SMARCC1: variants seen among roughly 807,000 people sequenced by gnomAD.
SMARCC1 encodes the protein SWI/SNF complex subunit SMARCC1.
In SMARCC1, 43 loss-of-function variants were observed where a neutral mutation model predicts 147.4. That is an observed-to-expected ratio of 0.29 (90% CI 0.23 to 0.38). The LOEUF is 0.38. Among genes scored for constraint, SMARCC1 ranks in the 10% least tolerant of loss-of-function variants. The probability of loss-of-function intolerance (pLI) is 1.00; values close to 1 mark genes in which losing one functional copy is unlikely to be tolerated. For synonymous variants in SMARCC1, 495 were observed against 484.4 expected (o/e 1.02, Z -0.29); for missense variants, 1,119 against 1,381.1 (o/e 0.81, Z 3.01).
chr3:47,762,910 C>CA (rs2034791040), intron 2 of SMARCC1, among the ~76,000 whole-genome samples: 1 of 151,854 alleles, frequency 6.6e-6, no homozygotes, highest in African/African-American at 2.4e-5. Context: ...ACTAAAAATA[C>CA]AAAAAATTAG....
Position 47,588,188 on chromosome 3 carries a change from A to G in SMARCC1, c.*21T>C, listed in dbSNP as rs1266876462. On this transcript the variant is annotated 3_prime_UTR_variant, in exon 28 of 28. Coordinates refer to ENST00000254480, the MANE Select transcript of SMARCC1 (RefSeq NM_003074.4). Reference sequence around the variant, plus strand: ...CTCCAGCTCATGGTGGTGGGCGTGGAGGTTCCCTGCATCTTCCAGGCTAAG... The same window carrying G: ...CTCCAGCTCATGGTGGTGGGCGTGGGGGTTCCCTGCATCTTCCAGGCTAAG... The G allele has an allele frequency of 6.3e-7, 1 of 1,585,736 alleles. No individual in the cohort carries two copies. The highest frequency in any genetic ancestry group is 8.7e-7 in the Non-Finnish European group (1 of 1,155,974).
At chr3:47,730,620 G>T (rs982465684) in intron 5 of SMARCC1, among the ~76,000 whole-genome samples, 2 of 152,112 alleles carry the variant, frequency 1.3e-5, no homozygotes, top group African/African-American at 4.8e-5. Flanking sequence ...AATCCCAGCA[G>T]TTTGGGAGGT....
intron 2 of SMARCC1, among the ~76,000 whole-genome samples, chr3:47,760,714 G>A (rs149532018): frequency 7.5e-4 from 114 of 152,276 alleles, no homozygotes; most frequent in Non-Finnish European, 1.2e-3. Flanking sequence ...TCAATCAGCT[G>A]TGCGTGGTAG....
chr3:47,750,958 C>A (rs917164398), intron 2 of SMARCC1, among the ~76,000 whole-genome samples: 3 of 150,966 alleles, frequency 2.0e-5, no homozygotes, highest in Non-Finnish European at 4.4e-5. Context: ...AGTGCAGTGG[C>A]GCAATCTCAG....
intron 18 of SMARCC1, among the ~76,000 whole-genome samples, chr3:47,673,222 A>AAAAAAT (rs2033524095): frequency 6.6e-6 from 1 of 151,824 alleles, no homozygotes; most frequent in South Asian, 2.1e-4. Context: ...TCTCTCTTTA[A>AAAAAAT]AAAAATAAAA....
intron 11 of SMARCC1, among the ~76,000 whole-genome samples, chr3:47,695,984 T>C (rs1184898220): frequency 7.1e-6 from 1 of 140,546 alleles, no homozygotes; most frequent in African/African-American, 2.7e-5. Flanking sequence ...TGAGAATCAC[T>C]TGAACTCAAG....
Position 47,771,831 on chromosome 3 carries a change from C to A in SMARCC1, c.315+986G>T, listed in dbSNP as rs192890754. ...GTGTGGTGGCTCACACCTGTACTCC[C>A]GGCACTTTGGGAGGCCGAGGTGGGT... On this transcript the variant is annotated intron_variant, in intron 2 of 27. Coordinates refer to ENST00000254480, the MANE Select transcript of SMARCC1 (RefSeq NM_003074.4). Among the ~76,000 whole-genome samples the A allele has an allele frequency of 2.5e-3, 380 of 150,800 alleles. 1 individual carries two copies. Among genetic ancestry groups the A allele is most frequent in the African/African-American group, 8.8e-3 (361 of 41,030 alleles).
chr3:47,743,474 T>C (rs1188891262), intron 3 of SMARCC1, among the ~76,000 whole-genome samples: 1 of 151,916 alleles, frequency 6.6e-6, no homozygotes, highest in African/African-American at 2.4e-5. Context: ...ACCCGGCCTG[T>C]ATTACACGTA....
intron 24 of SMARCC1, among the ~76,000 whole-genome samples, chr3:47,631,100 G>C (rs1302805766): frequency 6.6e-6 from 1 of 151,862 alleles, no homozygotes; most frequent in Non-Finnish European, 1.5e-5. Context: ...AAGAAAAAGA[G>C]AGAGAAGGAG....
At chr3:47,749,736 C>CAGAG (rs71070224) in intron 2 of SMARCC1, among the ~76,000 whole-genome samples, 35,093 of 110,420 alleles carry the variant, frequency 0.32, 6,854 homozygotes, top group East Asian at 0.41. Context: ...GAGAAAGAGA[C>CAGAG]AGAGAGAGAG....
rs553266135 is a variant in SMARCC1, at chr3:47,622,424, G to A, written c.2647-83C>T. ...GAAAATGCTGACAATATTCAAAGTA[G>A]AGATTATATAATTTACAATGGTACC... On this transcript the variant is annotated intron_variant, in intron 24 of 27. Transcript: ENST00000254480. 1.0e-5 allele frequency: 13 copies of A among 1,305,132 alleles called. No homozygotes were observed. The East Asian group carries it at 1.6e-4, about 16-fold the overall frequency. 80.8% of individuals were successfully genotyped at this position (1,305,132 alleles called of 1,614,324 possible).
At chr3:47,692,234 C>T (rs1475385115) in intron 12 of SMARCC1, among the ~76,000 whole-genome samples, 7 of 152,144 alleles carry the variant, frequency 4.6e-5, no homozygotes, top group Admixed American at 3.9e-4. Flanking sequence ...AAAACTACCC[C>T]TATTTAATGT....
intron 13 of SMARCC1, among the ~76,000 whole-genome samples, chr3:47,687,232 G>A (rs1254012232): frequency 6.6e-6 from 1 of 152,126 alleles, no homozygotes; most frequent in Non-Finnish European, 1.5e-5. Context: ...TGATACTAAC[G>A]ATGACAAGGG....
At chr3:47,705,023 C>T (rs1333506187) in intron 10 of SMARCC1, among the ~76,000 whole-genome samples, 4 of 141,306 alleles carry the variant, frequency 2.8e-5, no homozygotes, top group Admixed American at 2.8e-4. Context: ...AAATGTTAAA[C>T]ATATATAAAA....
At chr3:47,671,706 T>C (rs1265235302) in intron 18 of SMARCC1, among the ~76,000 whole-genome samples, 2 of 152,228 alleles carry the variant, frequency 1.3e-5, no homozygotes, top group Non-Finnish European at 2.9e-5. Context: ...GGGACTTGAT[T>C]TGTAGTATAG....
chr3:47,635,351 A>G lies in SMARCC1; in HGVS notation c.2492-7T>C, dbSNP rs778892183. ...TCTTCAGTCTCCTTTTCTTCTGAAA[A>G]TATCAGAAAGCTTTGTTACTAGCGT... On this transcript the variant is annotated splice_polypyrimidine_tract_variant and splice_region_variant and intron_variant, in intron 23 of 27. Transcript: ENST00000254480. 11 of 1,609,902 alleles carry G rather than the reference A, an allele frequency of 6.8e-6. No homozygotes were observed. In the East Asian group the frequency reaches 1.3e-4, roughly 20 times the overall value.
chr3:47,677,948 C>A (rs979463436), intron 16 of SMARCC1, among the ~76,000 whole-genome samples: 2 of 151,776 alleles, frequency 1.3e-5, no homozygotes, highest in Admixed American at 1.3e-4. Flanking sequence ...GCCAGGAGAT[C>A]GAGACCAGCC....
chr3:47,725,489 T>C (rs548391632), intron 6 of SMARCC1, among the ~76,000 whole-genome samples: 2 of 152,184 alleles, frequency 1.3e-5, no homozygotes, highest in African/African-American at 4.8e-5. Context: ...CTCACTCTGT[T>C]GTACAGGCTG....
intron 2 of SMARCC1, among the ~76,000 whole-genome samples, chr3:47,757,190 G>A (rs1245090329): frequency 1.3e-5 from 2 of 152,040 alleles, no homozygotes; most frequent in South Asian, 2.1e-4. Flanking sequence ...GTTTGAGGCC[G>A]CAGTGAGCTA....
Sources: gnomAD v4.1 joint callset for allele counts (sites outside exome capture counted in the v4.1 genomes callset) on GRCh38, gnomAD v4.1.1 for gene constraint, MANE v1.5 for transcripts, NCBI Gene and HGNC (gene_info 2026-07-23, HGNC 2026-07-21) for gene names.